Variants in SHANK2 observed in about 807,000 individuals in gnomAD.
SHANK2 encodes the protein SH3 and multiple ankyrin repeat domains 2.
In SHANK2, 43 loss-of-function variants were observed where a neutral mutation model predicts 133.7. That is an observed-to-expected ratio of 0.32 (90% confidence interval 0.25 to 0.41). The LOEUF (loss-of-function observed/expected upper bound fraction) is 0.41. Among genes scored for constraint, SHANK2 ranks in the 10% least tolerant of loss-of-function variants. The pLI is 1.00. For synonymous variants in SHANK2, 1,017 were observed against 952.8 expected, an observed-to-expected ratio of 1.07 and a Z score of -1.24; for missense variants, 1,994 against 2,235.8, an observed-to-expected ratio of 0.89 and a Z score of 2.18.
intron 1 of SHANK2, among the ~76,000 whole-genome samples, chr11:71,229,104 T>C (rs550064241): frequency 6.6e-6 from 1 of 152,310 alleles, no homozygotes; most frequent in African/African-American, 2.4e-5. Flanking sequence ...AAAGAACATC[T>C]GCGAAGAAAC....
intron 14 of SHANK2, among the ~76,000 whole-genome samples, chr11:70,724,409 T>G (rs1591788874): frequency 1.3e-5 from 2 of 151,820 alleles, no homozygotes; most frequent in South Asian, 4.2e-4. Flanking sequence ...GGTGGTGGGG[T>G]GTGTGTGTAT....
chr11:71,107,996 C>G (rs1951827029), intron 6 of SHANK2, among the ~76,000 whole-genome samples: 1 of 152,172 alleles, frequency 6.6e-6, no homozygotes, highest in Admixed American at 6.5e-5. Context: ...CAGAAATAGC[C>G]CTCGACGAGG....
At chr11:70,878,387 G>A (rs982231989) in intron 11 of SHANK2, among the ~76,000 whole-genome samples, 2 of 152,154 alleles carry the variant, frequency 1.3e-5, no homozygotes, top group Non-Finnish European at 2.9e-5. Flanking sequence ...GAGAAAATTC[G>A]GAACAAACAT....
intron 14 of SHANK2, among the ~76,000 whole-genome samples, chr11:70,769,557 G>C (rs761544766): frequency 9.3e-5 from 13 of 139,856 alleles, no homozygotes; most frequent in Non-Finnish European, 1.5e-4. Context: ...CACGGCAGGG[G>C]GTGGGGCAGG....
intron 17 of SHANK2, among the ~76,000 whole-genome samples, chr11:70,580,689 A>C (rs1360908828): frequency 6.6e-6 from 1 of 152,224 alleles, no homozygotes; most frequent in Non-Finnish European, 1.5e-5. Flanking sequence ...CCCACTCTTC[A>C]GGCCTGAGGC....
intron 2 of SHANK2, among the ~76,000 whole-genome samples, chr11:71,205,597 CG>C (rs1449772102): frequency 6.6e-6 from 1 of 152,126 alleles, no homozygotes; most frequent in Non-Finnish European, 1.5e-5. Context: ...TTGGGAAGTC[CG>C]AGTCGGCCAC....
intron 1 of SHANK2, among the ~76,000 whole-genome samples, chr11:71,229,160 G>T (rs1182408470): frequency 2.0e-5 from 3 of 152,158 alleles, no homozygotes; most frequent in Non-Finnish European, 4.4e-5. Context: ...TTCCCCATAT[G>T]ATCAGGACCA....
intron 17 of SHANK2, among the ~76,000 whole-genome samples, chr11:70,554,143 CCT>C (rs1456203857): frequency 3.3e-5 from 5 of 152,350 alleles, no homozygotes; most frequent in African/African-American, 7.2e-5. Context: ...GAGTCCAGCC[CCT>C]GTCCCCAGAA....
At position 71,236,944 on chromosome 11, in the gene SHANK2, G is replaced by A. The variant is rs191811359; in HGVS notation, c.-112-12148C>T. On this transcript the variant is annotated intron_variant, in intron 1 of 25. Transcript: ENST00000601538. The stretch of plus-strand genomic sequence containing the variant: ...GAGGGCAACACTGCAGGCAGCGGCC[G>A]GGAGGGACTTGGCGCAGGTGGGACT... Among the ~76,000 whole-genome samples, 1,056 of 152,330 alleles carry A rather than the reference G, an allele frequency of 6.9e-3. 9 individuals are homozygous for A. Among genetic ancestry groups the A allele is most frequent in the Admixed American group, 0.012 (178 of 15,302 alleles).
chr11:70,489,386 G>A (rs1555155172), intron 23 of SHANK2, 38 bp from the exon 24 acceptor site: 7 of 1,609,450 alleles, frequency 4.3e-6, no homozygotes, highest in Middle Eastern at 1.6e-4. Flanking sequence ...ACCAGTAACC[G>A]CAAGACAAAT....
chr11:71,213,333 C>G (rs1954325567), intron 2 of SHANK2, among the ~76,000 whole-genome samples: 1 of 152,172 alleles, frequency 6.6e-6, no homozygotes, highest in Non-Finnish European at 1.5e-5. Context: ...TTACCATACT[C>G]TTTCGTCCCT....
At chr11:70,618,899 C>T (rs2060792346) in intron 17 of SHANK2, among the ~76,000 whole-genome samples, 1 of 152,196 alleles carries the variant, frequency 6.6e-6, no homozygotes, top group South Asian at 2.1e-4. Flanking sequence ...GAGGCGTATC[C>T]AGGGCAGGCG....
intron 11 of SHANK2, among the ~76,000 whole-genome samples, chr11:70,826,999 A>AT (rs1948652191): frequency 5.9e-5 from 9 of 151,908 alleles, no homozygotes; most frequent in South Asian, 2.1e-4. Flanking sequence ...TTTAAAAAAA[A>AT]ATTTTTTTAA....
chr11:71,133,223 TGGATGCAC>T (rs2135340311), intron 3 of SHANK2, among the ~76,000 whole-genome samples: 4 of 135,594 alleles, frequency 2.9e-5, no homozygotes, highest in African/African-American at 1.1e-4. Context: ...GGTGGCTGGG[TGGATGCAC>T]AGATGAATGG....
intron 8 of SHANK2, among the ~76,000 whole-genome samples, chr11:71,080,073 T>G (rs1246386025): frequency 6.6e-6 from 1 of 152,164 alleles, no homozygotes; most frequent in Non-Finnish European, 1.5e-5. Flanking sequence ...CCTTTTCTTA[T>G]TTTGAAAAGG....
At chr11:70,556,237 T>A (rs1554979521) in intron 17 of SHANK2, among the ~76,000 whole-genome samples, 1 of 152,276 alleles carries the variant, frequency 6.6e-6, no homozygotes, top group East Asian at 1.9e-4. Context: ...TTTTCATTGC[T>A]GAATACTTTT....
chr11:70,639,009 A>C (rs1398937099), intron 17 of SHANK2, among the ~76,000 whole-genome samples: 5 of 139,802 alleles, frequency 3.6e-5, no homozygotes, highest in African/African-American at 1.0e-4. Context: ...AAAAAACAAA[A>C]AAACAAAAAA....
chr11:70,572,150 G>A (rs1276532492), intron 17 of SHANK2, among the ~76,000 whole-genome samples: 1 of 152,214 alleles, frequency 6.6e-6, no homozygotes, highest in Non-Finnish European at 1.5e-5. Flanking sequence ...CTCCAGAACT[G>A]GGAGAAAATC....
intron 17 of SHANK2, among the ~76,000 whole-genome samples, chr11:70,557,402 G>A (rs2059847509): frequency 6.6e-6 from 1 of 152,180 alleles, no homozygotes; most frequent in African/African-American, 2.4e-5. Context: ...CTCCTAAGAA[G>A]GGACTCACAT....
Sources: allele counts gnomAD v4.1 joint callset (sites outside exome capture counted in the v4.1 genomes callset), GRCh38; gene constraint gnomAD v4.1.1; transcripts MANE v1.5; gene names NCBI Gene and HGNC (gene_info 2026-07-23, HGNC 2026-07-21).